Variants in SHISA9 observed in about 807,000 individuals in gnomAD.
The protein encoded by SHISA9 is protein shisa-9.
SHISA9 carries 13 observed loss-of-function variants against 38.0 expected under a neutral mutation model. The observed-to-expected ratio is 0.34, with a 90% CI of 0.22 to 0.54. The LOEUF (loss-of-function observed/expected upper bound fraction) is 0.54. SHISA9 is among the 20% of genes least tolerant of loss of function. The pLI is 0.91. For missense variants in SHISA9, 538 were observed against 575.8 expected, an observed-to-expected ratio of 0.93 and a Z score of 0.67; for synonymous variants, 275 against 242.0, an observed-to-expected ratio of 1.14 and a Z score of -1.27.
chr16:13,118,807 G>A (rs901573348), intron 2 of SHISA9, among the ~76,000 whole-genome samples: 6 of 141,924 alleles, frequency 4.2e-5, no homozygotes, highest in Non-Finnish European at 7.5e-5. Flanking sequence ...TCAGCTTACT[G>A]CAACCTCCAC....
chr16:13,059,145 T>G (rs1160643028), intron 2 of SHISA9, among the ~76,000 whole-genome samples: 1 of 76,682 alleles, frequency 1.3e-5, no homozygotes, highest in Non-Finnish European at 2.5e-5. Flanking sequence ...TTTTTTTTTT[T>G]GAGACAGAGT....
At position 12,951,220 on chromosome 16, in the gene SHISA9, C is replaced by CAAAAAAAAA. The variant is rs1567350239; in HGVS notation, c.691+34405_691+34406insAAAAAAAAA. Reference sequence around the variant, plus strand: ...TGGGTGACAGAGCAAGACTCCTTCTCCAAAAAAAAAAAAAAAAAAAAAAAA... The same window carrying CAAAAAAAAA: ...TGGGTGACAGAGCAAGACTCCTTCTCAAAAAAAAACAAAAAAAAAAAAAAAAAAAAAAAA... On this transcript the variant is annotated intron_variant, in intron 2 of 4. Transcript: ENST00000558583. 2.6e-5 allele frequency among the ~76,000 whole-genome samples: 2 copies of CAAAAAAAAA among 77,686 alleles called. 1 individual carries two copies. 51.0% of individuals were successfully genotyped at this position (77,686 alleles called of 152,430 possible).
Position 13,235,500 on chromosome 16 carries a change from A to C in SHISA9, c.*91A>C, listed in dbSNP as rs969251679. 34 of 1,352,532 alleles carry C rather than the reference A, an allele frequency of 2.5e-5. No individual in the cohort carries two copies. The highest frequency in any genetic ancestry group is 3.0e-5 in the Non-Finnish European group (31 of 1,017,328). The allele number at this position is 1,352,532 out of a possible 1,614,324, so 83.8% of individuals were successfully genotyped here. On this transcript the variant is annotated 3_prime_UTR_variant, in exon 5 of 5. Transcript: ENST00000558583. ...CACACCCTCCCCATCCTCCCCTAATACATGCGTCCACACACTCACTCTCAA... is the reference window on the plus strand; with the variant it reads ...CACACCCTCCCCATCCTCCCCTAATCCATGCGTCCACACACTCACTCTCAA...
chr16:13,320,292 CAAAAAAAAAA>C, the SHISA9 span, among the ~76,000 whole-genome samples: 38 of 38,994 alleles, frequency 9.7e-4, no homozygotes, highest in South Asian at 2.8e-3. Flanking sequence ...GACTCTGTCT[CAAAAAAAAAA>C]AAAAAAAAAA....
At chr16:13,001,887 A>G (rs1320920569) in intron 2 of SHISA9, among the ~76,000 whole-genome samples, 1 of 152,198 alleles carries the variant, frequency 6.6e-6, no homozygotes, top group Non-Finnish European at 1.5e-5. Context: ...AGATGAATAA[A>G]TAGGTGATAA....
chr16:13,096,331 CAG>C (rs1275639780), intron 2 of SHISA9, among the ~76,000 whole-genome samples: 1 of 152,156 alleles, frequency 6.6e-6, no homozygotes, highest in Non-Finnish European at 1.5e-5. Flanking sequence ...CCTTGCGACA[CAG>C]AATGCAGAGA....
intron 2 of SHISA9, among the ~76,000 whole-genome samples, chr16:13,102,927 T>G (rs1211585030): frequency 6.6e-6 from 1 of 152,222 alleles, no homozygotes; most frequent in East Asian, 1.9e-4. Flanking sequence ...AGTTCATGGG[T>G]TGGCAGAGGG....
At chr16:13,523,934 T>G in the SHISA9 span, among the ~76,000 whole-genome samples, 1 of 152,144 alleles carries the variant, frequency 6.6e-6, no homozygotes, top group Non-Finnish European at 1.5e-5. Context: ...CATAACAATA[T>G]TAAGAGGAAA....
the SHISA9 span, among the ~76,000 whole-genome samples, chr16:13,427,957 A>G: frequency 6.6e-6 from 1 of 152,202 alleles, no homozygotes; most frequent in African/African-American, 2.4e-5. Flanking sequence ...AGCGCATTGA[A>G]TGATTTCCAG....
chr16:12,994,469 G>A (rs1365883840), intron 2 of SHISA9, among the ~76,000 whole-genome samples: 1 of 152,188 alleles, frequency 6.6e-6, no homozygotes, highest in African/African-American at 2.4e-5. Flanking sequence ...GGCCTTGTAT[G>A]TGTCCACTGG....
intron 2 of SHISA9, among the ~76,000 whole-genome samples, chr16:13,043,860 G>A (rs79859062): frequency 3.3e-5 from 5 of 152,168 alleles, no homozygotes; most frequent in Admixed American, 1.3e-4. Flanking sequence ...GGATCTATTC[G>A]TTGTCCTTCT....
intron 2 of SHISA9, among the ~76,000 whole-genome samples, chr16:13,142,659 C>G (rs923776835): frequency 4.6e-5 from 7 of 152,142 alleles, no homozygotes; most frequent in African/African-American, 1.7e-4. Context: ...GGTACCCTGT[C>G]TTTTGTTTAC....
At chr16:13,175,610 G>A (rs1171170355) in intron 2 of SHISA9, among the ~76,000 whole-genome samples, 1 of 152,114 alleles carries the variant, frequency 6.6e-6, no homozygotes, top group Non-Finnish European at 1.5e-5. Context: ...AGAGAGGCAG[G>A]GCTGATTGAA....
chr16:13,099,397 G>A (rs1203578230), intron 2 of SHISA9, among the ~76,000 whole-genome samples: 1 of 152,186 alleles, frequency 6.6e-6, no homozygotes, highest in Non-Finnish European at 1.5e-5. Flanking sequence ...GCAAGCACAA[G>A]GGAGAATAAT....
At chr16:12,978,542 T>C (rs2072196524) in intron 2 of SHISA9, among the ~76,000 whole-genome samples, 1 of 152,202 alleles carries the variant, frequency 6.6e-6, no homozygotes, top group Non-Finnish European at 1.5e-5. Context: ...ACTACTTCCA[T>C]AAAACTCCCA....
the SHISA9 span, among the ~76,000 whole-genome samples, chr16:13,503,491 A>G: frequency 6.6e-6 from 1 of 152,136 alleles, no homozygotes; most frequent in African/African-American, 2.4e-5. Flanking sequence ...TGGAGTTGTA[A>G]TGTTTAAGAC....
the SHISA9 span, among the ~76,000 whole-genome samples, chr16:13,348,271 A>C: frequency 6.6e-6 from 1 of 152,132 alleles, no homozygotes; most frequent in Non-Finnish European, 1.5e-5. Flanking sequence ...TAATCCAAAA[A>C]TTCGTAATCC....
In SHISA9 at chr16:13,067,212, G is replaced by C. The variant is rs569035465; in HGVS notation, c.692-136182G>C. Among the ~76,000 whole-genome samples, 3 of 152,328 alleles carry C rather than the reference G, an allele frequency of 2.0e-5. No individual in the cohort carries two copies. In the South Asian group the frequency reaches 6.2e-4, roughly 32 times the overall value. On this transcript the variant is annotated intron_variant, in intron 2 of 4. Coordinates refer to ENST00000558583, the MANE Select transcript of SHISA9 (RefSeq NM_001145204.3). Reference sequence around the variant, plus strand: ...TGCCCAGTACTGGGTGTGGGATCTGGTCCTGATGCAGGAGAAATGGACACA... The same window carrying C: ...TGCCCAGTACTGGGTGTGGGATCTGCTCCTGATGCAGGAGAAATGGACACA...
At chr16:12,912,433 G>A (rs1030900914) in intron 1 of SHISA9, among the ~76,000 whole-genome samples, 5 of 152,222 alleles carry the variant, frequency 3.3e-5, no homozygotes, top group East Asian at 1.9e-4. Context: ...TGAATAGTTC[G>A]GAGTTTTGGG....
Sources: gnomAD v4.1 joint callset for allele counts (sites outside exome capture counted in the v4.1 genomes callset) on GRCh38, gnomAD v4.1.1 for gene constraint, MANE v1.5 for transcripts, NCBI Gene and HGNC (gene_info 2026-07-23, HGNC 2026-07-21) for gene names.